CHAT: variants seen among roughly 807,000 people sequenced by gnomAD.
The protein encoded by CHAT is choline O-acetyltransferase.
In CHAT, 61 loss-of-function variants were observed where a neutral mutation model predicts 76.9. The observed-to-expected ratio is 0.79, with a 90% CI of 0.65 to 0.98. The LOEUF (loss-of-function observed/expected upper bound fraction) is 0.98. Among genes scored for constraint, CHAT ranks in the 50% least tolerant of loss-of-function variants. CHAT has a pLI of 0.00. For synonymous variants in CHAT, 407 were observed against 397.4 expected (o/e 1.02, Z -0.29); for missense variants, 946 against 986.9 (o/e 0.96, Z 0.56).
intron 2 of CHAT, among the ~76,000 whole-genome samples, chr10:49,616,874 C>T (rs1270761506): frequency 6.6e-6 from 1 of 152,220 alleles, no homozygotes; most frequent in East Asian, 1.9e-4. Context: ...TCTTTCCTTC[C>T]AGGGCCTCTC....
At position 49,627,766 on chromosome 10, in the gene CHAT, C is replaced by T; in HGVS notation, c.1092C>T (p.Ala364=). 6.2e-7 allele frequency: 1 copy of T among 1,613,854 alleles called. No individual in the cohort carries two copies. Among genetic ancestry groups the T allele is most frequent in the East Asian group, 2.2e-5 (1 of 44,884 alleles). The change falls in exon 7 of 15, where the codon GCC becomes GCT. Residue 364 remains alanine (A), a synonymous_variant. Transcript: ENST00000337653. The part of the protein sequence containing the change: ...TSDGRSEWAE[A]RTVLVKDSTN... ...ACGGGAGGAGCGAGTGGGCCGAGGC[C>T]AGGACGGTCCTCGTGAAAGGTCAGC...
intron 13 of CHAT, among the ~76,000 whole-genome samples, chr10:49,657,487 T>C (rs754154890): frequency 8.5e-4 from 129 of 152,148 alleles, no homozygotes; most frequent in Non-Finnish European, 1.3e-3. Context: ...AGTTCCTCTC[T>C]ACCACCCCAG....
rs59979541 is a variant in CHAT at position 49,649,866 on chromosome 10, ATTTTTTTTTTTT to A, written c.1511+247_1511+258del. Among the ~76,000 whole-genome samples, 121 of 117,776 alleles carry A rather than the reference ATTTTTTTTTTTT, an allele frequency of 1.0e-3. 1 individual carries two copies. Among genetic ancestry groups the A allele is most frequent in the East Asian group, 4.1e-3 (14 of 3,424 alleles). The allele number at this position is 117,776 out of a possible 152,430, so 77.3% of individuals were successfully genotyped here. A position where few individuals can be genotyped will look rare whatever the true frequency, so the allele number is the denominator to read the frequency against. ...TTCTCTAAAATGCAAACGCAGGGCT[ATTTTTTTTTTTT>A]TTTTTTTTTTTTTTTTCAGTTTCAC... On this transcript the variant is annotated intron_variant, in intron 10 of 14. Coordinates refer to ENST00000337653, the MANE Select transcript of CHAT (RefSeq NM_020549.5).
intron 7 of CHAT, 48 bp downstream of exon 7, chr10:49,627,833 C>T (rs1475329217): frequency 2.5e-6 from 4 of 1,590,370 alleles, no homozygotes; most frequent in Non-Finnish European, 3.4e-6. Context: ...CATGCTCGTG[C>T]CCATTGGCTT....
At chr10:49,622,206 C>T in intron 5 of CHAT, 56 bp downstream of exon 5, 1 of 1,556,366 alleles carries the variant, frequency 6.4e-7, no homozygotes, top group Non-Finnish European at 8.9e-7. Context: ...GCGTCTATCT[C>T]CCTTGCAGGG....
chr10:49,632,229 C>A (rs1308934156), intron 7 of CHAT, among the ~76,000 whole-genome samples: 1 of 152,106 alleles, frequency 6.6e-6, no homozygotes, highest in Admixed American at 6.5e-5. Context: ...AGGGGAATGG[C>A]CCGTCTGAGA....
chr10:49,612,149 G>C, upstream of CHAT: 1 of 1,611,362 alleles, frequency 6.2e-7, no homozygotes, highest in South Asian at 1.1e-5. Context: ...CTGCTGCTCC[G>C]CAACGTGGGC....
upstream of CHAT, chr10:49,612,228 G>A (rs368027068): frequency 9.3e-6 from 15 of 1,609,346 alleles, 1 homozygote; most frequent in African/African-American, 5.3e-5. Flanking sequence ...TGTACGATGC[G>A]GTGCGCCTGC....
At chr10:49,652,542 C>A (rs1839913672) in intron 11 of CHAT, among the ~76,000 whole-genome samples, 1 of 152,194 alleles carries the variant, frequency 6.6e-6, no homozygotes, top group African/African-American at 2.4e-5. Flanking sequence ...CTGCCATTGG[C>A]CCCTCCCAGG....
upstream of CHAT, chr10:49,611,661 C>A: frequency 1.9e-6 from 3 of 1,611,878 alleles, no homozygotes; most frequent in Non-Finnish European, 2.5e-6. Flanking sequence ...CCCTCGCCTT[C>A]CTCGAACCCA....
upstream of CHAT, chr10:49,611,335 A>G (rs1446897176): frequency 8.1e-6 from 13 of 1,602,674 alleles, no homozygotes; most frequent in Non-Finnish European, 1.1e-5. Flanking sequence ...TGGCATAGCC[A>G]TGATCGCCGA....
intron 10 of CHAT, among the ~76,000 whole-genome samples, chr10:49,650,719 G>C (rs1459674814): frequency 6.6e-6 from 1 of 152,154 alleles, no homozygotes; most frequent in East Asian, 1.9e-4. Flanking sequence ...GGAGGCTGTG[G>C]GAAGGGCACA....
chr10:49,614,599 T>C, intron 1 of CHAT, 124 bp downstream of exon 1: 1 of 875,942 alleles, frequency 1.1e-6, no homozygotes, highest in Non-Finnish European at 1.7e-6. Context: ...GTCCTCTGAG[T>C]CCTGCGCAGC....
At chr10:49,639,546 C>T (rs61846644) in intron 7 of CHAT, among the ~76,000 whole-genome samples, 2,040 of 8,630 alleles carry the variant, frequency 0.24, 49 homozygotes, top group African/African-American at 0.27. Context: ...TATATACACA[C>T]ACACACACAC....
chr10:49,647,272 T>C (rs890485781), intron 8 of CHAT: 1 of 155,550 alleles, frequency 6.4e-6, no homozygotes, highest in Non-Finnish European at 1.4e-5. Context: ...GAAATTTACT[T>C]TGACCTAGAG....
chr10:49,611,506 G>T, upstream of CHAT: 2 of 1,600,966 alleles, frequency 1.2e-6, no homozygotes, highest in South Asian at 1.1e-5. Flanking sequence ...GCTCTTTGAC[G>T]CGCTGTTGCT....
At chr10:49,611,397 C>T, upstream of CHAT, 2 of 1,598,514 alleles carry the variant, frequency 1.3e-6, no homozygotes, top group Non-Finnish European at 1.7e-6. Flanking sequence ...TGGCGCTGGC[C>T]TTCATTAGCT....
At chr10:49,629,203 G>GT (rs751335174) in intron 7 of CHAT, among the ~76,000 whole-genome samples, 2 of 152,194 alleles carry the variant, frequency 1.3e-5, no homozygotes, top group African/African-American at 2.4e-5. Flanking sequence ...TGTCTGTTTG[G>GT]TTTAATTTCT....
chr10:49,616,087 CA>C, intron 1 of CHAT: 2 of 1,613,350 alleles, frequency 1.2e-6, no homozygotes, highest in Non-Finnish European at 1.7e-6. Context: ...GCACTGAGCA[CA>C]GTAGGTATGG....
Sources: gnomAD v4.1 joint callset for allele counts (sites outside exome capture counted in the v4.1 genomes callset) on GRCh38, gnomAD v4.1.1 for gene constraint, MANE v1.5 for transcripts, NCBI Gene and HGNC (gene_info 2026-07-23, HGNC 2026-07-21) for gene names.